The following PPP2R2B variants were observed in gnomAD, a reference collection of about 807,000 sequenced individuals.
PPP2R2B encodes protein phosphatase 2 regulatory subunit Bbeta.
A neutral mutation model predicts 46.0 loss-of-function variants in PPP2R2B; 5 were observed. The observed-to-expected ratio is 0.11, with a 90% CI of 0.06 to 0.23. The LOEUF is 0.23. Among genes scored for constraint, PPP2R2B ranks in the 10% least tolerant of loss-of-function variants. The pLI is 1.00. For missense variants in PPP2R2B, 367 were observed against 575.0 expected (o/e 0.64, Z 3.70); for synonymous variants, 215 against 206.7 (o/e 1.04, Z -0.34).
At chr5:146,709,244 A>G (rs1428797726) in intron 2 of PPP2R2B, among the ~76,000 whole-genome samples, 2 of 152,196 alleles carry the variant, frequency 1.3e-5, no homozygotes, top group Non-Finnish European at 2.9e-5. Flanking sequence ...CTCTTATCAC[A>G]ATGGCTGTTT....
chr5:146,591,015 T>C (rs1770594713), intron 9 of PPP2R2B, among the ~76,000 whole-genome samples: 1 of 152,114 alleles, frequency 6.6e-6, no homozygotes, highest in Non-Finnish European at 1.5e-5. Flanking sequence ...AAACACCCAA[T>C]GTCTTCCAGA....
intron 1 of PPP2R2B, among the ~76,000 whole-genome samples, chr5:146,894,245 G>A (rs1182703369): frequency 6.6e-6 from 1 of 152,086 alleles, no homozygotes; most frequent in Admixed American, 6.6e-5. Flanking sequence ...TAAAGTTCTT[G>A]AGTGCCTTCC....
intron 2 of PPP2R2B, among the ~76,000 whole-genome samples, chr5:146,750,062 T>G (rs1186206696): frequency 6.6e-6 from 1 of 151,752 alleles, no homozygotes; most frequent in Non-Finnish European, 1.5e-5. Flanking sequence ...GTTGAATTGC[T>G]TTTGCAATTT....
At chr5:146,960,639 T>G (rs1752130443) in intron 1 of PPP2R2B, among the ~76,000 whole-genome samples, 1 of 152,144 alleles carries the variant, frequency 6.6e-6, no homozygotes, top group Non-Finnish European at 1.5e-5. Flanking sequence ...CCATTAGACC[T>G]GCATGAAAAT....
rs572242272 is a variant in PPP2R2B, at chr5:146,898,233, T to C, written c.79+157432A>G. On this transcript the variant is annotated intron_variant, in intron 1 of 8. Transcript: ENST00000336640. ...AGTAAAGATCAGATAGTTGTAGATATGCAGCATTATTTCTGAGGGCTCTGT... is the reference window on the plus strand; with the variant it reads ...AGTAAAGATCAGATAGTTGTAGATACGCAGCATTATTTCTGAGGGCTCTGT... 2.4e-4 allele frequency among the ~76,000 whole-genome samples: 36 copies of C among 152,278 alleles called. No individual in the cohort carries two copies. In the East Asian group the frequency reaches 3.7e-3, roughly 16 times the overall value.
At chr5:146,900,330 G>A (rs1355539250) in intron 1 of PPP2R2B, among the ~76,000 whole-genome samples, 3 of 152,264 alleles carry the variant, frequency 2.0e-5, no homozygotes, top group South Asian at 2.1e-4. Flanking sequence ...AGACAGGCCA[G>A]CTCATAGGGA....
At chr5:146,678,399 A>G (rs1025381494) in intron 5 of PPP2R2B, among the ~76,000 whole-genome samples, 1 of 142,826 alleles carries the variant, frequency 7.0e-6, no homozygotes, top group Admixed American at 6.8e-5. Flanking sequence ...ATTTCAAAAT[A>G]ATAAGAGCTA....
chr5:146,882,926 T>C (rs319204), upstream of PPP2R2B, among the ~76,000 whole-genome samples: 72,064 of 152,090 alleles, frequency 0.47, 18,437 homozygotes, highest in East Asian at 0.72. Context: ...AGCATGTGGA[T>C]ACATTCGTTT....
intron 2 of PPP2R2B, among the ~76,000 whole-genome samples, chr5:146,720,733 T>C (rs1029518134): frequency 1.1e-4 from 16 of 152,292 alleles, no homozygotes; most frequent in African/African-American, 3.6e-4. Flanking sequence ...GTGTTGGAGA[T>C]TCAGTATTGA....
At chr5:146,887,872 A>C (rs1405657113) in intron 1 of PPP2R2B, among the ~76,000 whole-genome samples, 1 of 152,220 alleles carries the variant, frequency 6.6e-6, no homozygotes, top group Non-Finnish European at 1.5e-5. Context: ...AGTCTTTTAG[A>C]TTGTACTGGA....
Position 146,878,124 on chromosome 5 carries a change from G to GAT in PPP2R2B, c.-55_-54dup, listed in dbSNP as rs749122878. ...CAGAAGCCGGCAGACAAGTATCCATGATCCCTCCCCGCAGCCAGTCTCACA... is the reference window on the plus strand; with the variant it reads ...CAGAAGCCGGCAGACAAGTATCCATGATATCCCTCCCCGCAGCCAGTCTCACA... On this transcript the variant is annotated 5_prime_UTR_variant, in exon 2 of 10. Transcript: ENST00000394411. This position sits in a 1 kb window ranked among gnomAD's most constrained non-coding sequence, Gnocchi z 4.5. 4 of 1,613,268 alleles carry GAT rather than the reference G, an allele frequency of 2.5e-6. No individual in the cohort carries two copies. The highest frequency in any genetic ancestry group is 3.4e-6 in the Non-Finnish European group (4 of 1,179,622).
At position 146,987,891 on chromosome 5, in the gene PPP2R2B, A is replaced by G. The variant is rs190478188; in HGVS notation, c.79+67774T>C. 2.0e-3 allele frequency among the ~76,000 whole-genome samples: 306 copies of G among 152,138 alleles called. 1 individual carries two copies. Among genetic ancestry groups the G allele is most frequent in the Non-Finnish European group, 3.5e-3 (240 of 67,884 alleles). On this transcript the variant is annotated intron_variant, in intron 1 of 8. Transcript: ENST00000336640. ...CTACAAGAAACTCATGTCACTTATA[A>G]AGACATGCATAGACTAAAAGTGAAA...
At chr5:147,004,570 C>G (rs1464254627) in intron 1 of PPP2R2B, among the ~76,000 whole-genome samples, 2 of 152,182 alleles carry the variant, frequency 1.3e-5, no homozygotes, top group African/African-American at 4.8e-5. Flanking sequence ...TGACTTTGCT[C>G]TTTTCACATG....
intron 2 of PPP2R2B, among the ~76,000 whole-genome samples, chr5:146,742,667 T>C (rs1051060161): frequency 6.6e-6 from 1 of 152,176 alleles, no homozygotes; most frequent in Non-Finnish European, 1.5e-5. Context: ...ATGGGTTGAA[T>C]TGTGCCCTCC....
intron 2 of PPP2R2B, among the ~76,000 whole-genome samples, chr5:146,731,642 T>G (rs191538524): frequency 4.8e-4 from 73 of 152,316 alleles, no homozygotes; most frequent in African/African-American, 1.7e-3. Flanking sequence ...TCAGTCACCC[T>G]CATTCTCAAT....
chr5:146,948,329 C>T (rs1764549070), intron 1 of PPP2R2B, among the ~76,000 whole-genome samples: 1 of 151,962 alleles, frequency 6.6e-6, no homozygotes, highest in Non-Finnish European at 1.5e-5. Flanking sequence ...CCTTGGTTTC[C>T]TCATTTATAC....
At chr5:146,982,528 C>G (rs921146617) in intron 1 of PPP2R2B, among the ~76,000 whole-genome samples, 2 of 152,168 alleles carry the variant, frequency 1.3e-5, no homozygotes, top group African/African-American at 2.4e-5. Flanking sequence ...GTGTAGGGTT[C>G]TATAAATGTC....
At chr5:147,075,016 A>C (rs1354605034) in intron 2 of PPP2R2B, among the ~76,000 whole-genome samples, 1 of 152,184 alleles carries the variant, frequency 6.6e-6, no homozygotes, top group Non-Finnish European at 1.5e-5. Flanking sequence ...AGCACCCTAG[A>C]ATTGCAGTAT....
rs1763386196 is a variant in PPP2R2B at position 146,916,381 on chromosome 5, G to A, written c.79+139284C>T. 4.7e-5 allele frequency among the ~76,000 whole-genome samples: 7 copies of A among 149,378 alleles called. No homozygotes were observed. In the South Asian group the frequency reaches 1.3e-3, roughly 28 times the overall value. On this transcript the variant is annotated intron_variant, in intron 1 of 8. Coordinates refer to the PPP2R2B transcript ENST00000336640. ...TATATATTTAATCAAATGATTTCAA[G>A]TATGAATGCTGGGCAGAGAGTGACA...
Sources: allele counts gnomAD v4.1 joint callset (sites outside exome capture counted in the v4.1 genomes callset), GRCh38; gene constraint gnomAD v4.1.1; non-coding constraint Gnocchi (gnomAD v3.1); transcripts MANE v1.5; gene names NCBI Gene and HGNC (gene_info 2026-07-23, HGNC 2026-07-21).